Variants in BRINP3 observed in about 807,000 individuals in gnomAD.
BRINP3 encodes the protein BMP/retinoic acid inducible neural specific 3, also known as BMP/retinoic acid-inducible neural-specific protein 3.
BRINP3 carries 19 observed loss-of-function variants against 71.0 expected under a neutral mutation model. The observed-to-expected ratio is 0.27, with a 90% CI of 0.19 to 0.39. The LOEUF (loss-of-function observed/expected upper bound fraction) is 0.39. Among genes scored for constraint, BRINP3 ranks in the 10% least tolerant of loss-of-function variants. The pLI, the probability that BRINP3 is intolerant of heterozygous loss-of-function variation, is 1.00. For synonymous variants in BRINP3, 380 were observed against 337.7 expected (o/e 1.13, Z -1.37); for missense variants, 959 against 940.8 (o/e 1.02, Z -0.25).
In BRINP3 at chr1:190,297,363, A is replaced by C. The variant is rs117222468; in HGVS notation, c.237-15613T>G. On this transcript the variant is annotated intron_variant, in intron 2 of 7. Transcript: ENST00000367462. Reference sequence around the variant, plus strand: ...GGACCTTTGTCTCATACAATACACAAAAAAAAAACTCAAAAAAGATTAAAG... The same window carrying C: ...GGACCTTTGTCTCATACAATACACACAAAAAAAACTCAAAAAAGATTAAAG... Among the ~76,000 whole-genome samples the C allele has an allele frequency of 6.6e-4, 98 of 148,274 alleles. 3 individuals are homozygous for C. The East Asian group carries it at 0.015, about 22-fold the overall frequency.
At position 190,373,312 on chromosome 1, in the gene BRINP3, C is replaced by G. The variant is rs564945904; in HGVS notation, c.236+81343G>C. 2.2e-4 allele frequency among the ~76,000 whole-genome samples: 34 copies of G among 151,964 alleles called. 1 individual carries two copies. The East Asian group carries it at 5.8e-3, about 26-fold the overall frequency. On this transcript the variant is annotated intron_variant, in intron 2 of 7. Transcript: ENST00000367462. ...GGCTTAGGCAGGAGAATCTCTTGAA[C>G]CCAGGAGGCGAAGGTTGCAGTGAGC...
At chr1:190,327,326 CAAAAAAAAAAAAAAAAAAAAAAAAGG>C (rs1666657489) in intron 2 of BRINP3, among the ~76,000 whole-genome samples, 1 of 44,232 alleles carries the variant, frequency 2.3e-5, no homozygotes, top group Non-Finnish European at 4.8e-5. Flanking sequence ...AAAAAAAGAA[CAAAAAAAAAAAAAAAAAAAAAAAAGG>C]AAAAAAAAAA....
intron 4 of BRINP3, among the ~76,000 whole-genome samples, chr1:190,253,935 A>G (rs1660397830): frequency 6.6e-6 from 1 of 152,150 alleles, no homozygotes; most frequent in Admixed American, 6.5e-5. Context: ...TCTTGAATTA[A>G]TTTTTGTATA....
intron 6 of BRINP3, among the ~76,000 whole-genome samples, chr1:190,204,426 A>T (rs1267587832): frequency 7.1e-6 from 1 of 140,722 alleles, no homozygotes; most frequent in Non-Finnish European, 1.5e-5. Flanking sequence ...AAATTGACTC[A>T]TTCAAATATA....
At chr1:190,221,533 A>C (rs1249802625) in intron 6 of BRINP3, among the ~76,000 whole-genome samples, 2 of 152,190 alleles carry the variant, frequency 1.3e-5, no homozygotes, top group East Asian at 3.9e-4. Flanking sequence ...CCAGAAAACA[A>C]GCCACAAAAT....
At chr1:190,417,838 G>A (rs140016375) in intron 2 of BRINP3, among the ~76,000 whole-genome samples, 1 of 152,174 alleles carries the variant, frequency 6.6e-6, no homozygotes, top group Non-Finnish European at 1.5e-5. Context: ...ATTGGAAGCT[G>A]TGTGCCATTT....
chr1:190,137,055 G>C (rs1241079157), intron 7 of BRINP3, among the ~76,000 whole-genome samples: 1 of 151,998 alleles, frequency 6.6e-6, no homozygotes, highest in Admixed American at 6.6e-5. Context: ...GATAAACTAA[G>C]GTATAGTGTA....
At chr1:190,104,725 T>A (rs1471705735) in intron 7 of BRINP3, among the ~76,000 whole-genome samples, 1 of 152,000 alleles carries the variant, frequency 6.6e-6, no homozygotes, top group Non-Finnish European at 1.5e-5. Flanking sequence ...GGACAGACAT[T>A]CTAGATGTGT....
At chr1:190,274,741 G>C (rs897950422) in intron 3 of BRINP3, among the ~76,000 whole-genome samples, 1 of 151,528 alleles carries the variant, frequency 6.6e-6, no homozygotes, top group Non-Finnish European at 1.5e-5. Context: ...AGCTCCACAT[G>C]TTAAAGGTAC....
Position 190,405,797 on chromosome 1 carries a change from C to T in BRINP3, c.236+48858G>A, listed in dbSNP as rs530667083. Among the ~76,000 whole-genome samples, 388 of 152,266 alleles carry T rather than the reference C, an allele frequency of 2.5e-3. 3 individuals carry two copies. The highest frequency in any genetic ancestry group is 0.01 in the Middle Eastern group (3 of 294). On this transcript the variant is annotated intron_variant, in intron 2 of 7. Transcript: ENST00000367462. ...TTTCATTAGCAATCACCCTTTACCACGCCAGACATGCTACAGCAACTGTGT... is the reference window on the plus strand; with the variant it reads ...TTTCATTAGCAATCACCCTTTACCATGCCAGACATGCTACAGCAACTGTGT...
intron 1 of BRINP3, among the ~76,000 whole-genome samples, chr1:190,476,231 A>G (rs370204904): frequency 1.4e-5 from 2 of 143,388 alleles, no homozygotes; most frequent in East Asian, 4.2e-4. Context: ...TGACGACAAG[A>G]ATAGTTATTT....
chr1:190,270,246 G>T (rs1173899202), intron 3 of BRINP3, among the ~76,000 whole-genome samples: 1 of 151,606 alleles, frequency 6.6e-6, no homozygotes, highest in Non-Finnish European at 1.5e-5. Context: ...ATAGAAATAT[G>T]ATATTTAAAG....
intron 3 of BRINP3, among the ~76,000 whole-genome samples, chr1:190,278,608 C>T (rs545076790): frequency 1.2e-4 from 18 of 151,308 alleles, no homozygotes; most frequent in African/African-American, 3.4e-4. Flanking sequence ...CAAAAATTCC[C>T]GCAGGAAAAT....
At chr1:190,289,649 G>C (rs1299986489) in intron 2 of BRINP3, among the ~76,000 whole-genome samples, 1 of 151,832 alleles carries the variant, frequency 6.6e-6, no homozygotes, top group Non-Finnish European at 1.5e-5. Flanking sequence ...TGTCTTGTAT[G>C]GATTACAAAT....
intron 2 of BRINP3, among the ~76,000 whole-genome samples, chr1:190,399,149 C>A (rs1671767294): frequency 6.6e-6 from 1 of 151,950 alleles, no homozygotes; most frequent in Non-Finnish European, 1.5e-5. Context: ...AAACTAAATT[C>A]TATAACACTC....
chr1:190,327,487 G>GAAAAAAAAAAAA (rs59406863), intron 2 of BRINP3, among the ~76,000 whole-genome samples: 1 of 126,824 alleles, frequency 7.9e-6, no homozygotes, highest in African/African-American at 2.9e-5. Context: ...CAAACAAAAA[G>GAAAAAAAAAAAA]AAAAAAAAAA....
intron 2 of BRINP3, among the ~76,000 whole-genome samples, chr1:190,322,395 C>A (rs1352986723): frequency 2.0e-5 from 3 of 151,908 alleles, no homozygotes; most frequent in Non-Finnish European, 4.4e-5. Context: ...TAGTCTGCAC[C>A]CTGTGTTAAG....
At chr1:190,450,999 A>G (rs530886682) in intron 2 of BRINP3, among the ~76,000 whole-genome samples, 1 of 152,266 alleles carries the variant, frequency 6.6e-6, no homozygotes, top group South Asian at 2.1e-4. Flanking sequence ...GTAAGTCATA[A>G]CATTCACCTC....
At chr1:190,291,840 A>T (rs972931251) in intron 2 of BRINP3, among the ~76,000 whole-genome samples, 2 of 152,166 alleles carry the variant, frequency 1.3e-5, no homozygotes. Context: ...AGATATCTGC[A>T]CTTCCATGTT....
Sources: allele counts gnomAD v4.1 joint callset (sites outside exome capture counted in the v4.1 genomes callset), GRCh38; gene constraint gnomAD v4.1.1; transcripts MANE v1.5; gene names NCBI Gene and HGNC (gene_info 2026-07-23, HGNC 2026-07-21).